Variants in ZNF208 observed in about 807,000 individuals in gnomAD.
ZNF208 encodes zinc finger protein 208, also known as zinc finger protein 95.
A neutral mutation model predicts 12.1 loss-of-function variants in ZNF208; 10 were observed. That is an observed-to-expected ratio of 0.83 (90% confidence interval 0.51 to 1.40). ZNF208 has a LOEUF of 1.40. ZNF208 is among the 40% of genes most tolerant of loss of function. The pLI is 0.00. For synonymous variants in ZNF208, 497 were observed against 488.4 expected, an observed-to-expected ratio of 1.02 and a Z score of -0.23; for missense variants, 1,652 against 1,485.0, an observed-to-expected ratio of 1.11 and a Z score of -1.85.
At chr19:21,949,252 T>C (rs938388453) in intron 4 of ZNF208, among the ~76,000 whole-genome samples, 5 of 152,200 alleles carry the variant, frequency 3.3e-5, no homozygotes, top group African/African-American at 9.6e-5. Context: ...AATAACACTG[T>C]TCTCTGTGCC....
intron 1 of ZNF208, chr19:21,998,884 A>C (rs1970888641): frequency 6.6e-6 from 1 of 152,202 alleles, no homozygotes; most frequent in South Asian, 2.1e-4. Flanking sequence ...ATATAGTAGA[A>C]TATATTAGAG....
chr19:21,973,940 C>T lies in ZNF208; in HGVS notation c.1094G>A (p.Gly365Glu), dbSNP rs760097530. The part of the protein sequence containing the change: ...ILTKHKVIHT[G>E]EKPYKCEECG... ...TTCTTCACATTTGTAGGGTTTCTCT[C>T]CAGTATGAATTACCTTATGTTTAGT... is the stretch of plus-strand genomic sequence containing the variant. The change falls in exon 4 of 4, where the codon GGA (glycine) becomes GAA (glutamate). Residue 365 changes from glycine (G) to glutamate (E), a missense_variant. Gly to Glu is a moderately conservative substitution (Grantham distance 98). This residue lies in a region of ZNF208 where 1,239 missense variants were observed against 1,086.2 expected (regional missense o/e 1.14). Coordinates refer to ENST00000397126, the MANE Select transcript of ZNF208 (RefSeq NM_007153.3). The T allele has an allele frequency of 3.1e-6, 5 of 1,613,464 alleles. No homozygotes were observed. Among genetic ancestry groups the T allele is most frequent in the Non-Finnish European group, 4.2e-6 (5 of 1,179,876 alleles).
intron 1 of ZNF208, among the ~76,000 whole-genome samples, chr19:22,002,175 C>T (rs1393372529): frequency 6.6e-6 from 1 of 152,054 alleles, no homozygotes; most frequent in Admixed American, 6.6e-5. Context: ...CCTCAACAAA[C>T]TAGGCATTGA....
chr19:21,963,974 ATAAC>A (rs1970119844), downstream of ZNF208, among the ~76,000 whole-genome samples: 1 of 151,974 alleles, frequency 6.6e-6, no homozygotes, highest in Non-Finnish European at 1.5e-5. Flanking sequence ...ATATTTCAAA[ATAAC>A]TAAGAGTAAA....
chr19:21,964,568 C>T (rs536741181), downstream of ZNF208, among the ~76,000 whole-genome samples: 6 of 151,890 alleles, frequency 4.0e-5, no homozygotes, highest in South Asian at 1.0e-3. Flanking sequence ...CTGACAGACA[C>T]TCCGCATTTA....
In ZNF208 at chr19:21,973,492, T is replaced by C. The variant is rs763947968; in HGVS notation, c.1542A>G (p.Glu514=). 10 of 1,613,054 alleles carry C rather than the reference T, an allele frequency of 6.2e-6. No individual in the cohort carries two copies. The Admixed American group carries it at 1.3e-4, about 22-fold the overall frequency. ...KAFNWSSNLM[E]HKRIHTGEKP... ...TCTCTCCAGTATGAATTCTCTTATG[T>C]TCCATAAGGTTTGAGGACCAGTTGA... The change falls in exon 4 of 4, where the codon GAA becomes GAG. Residue 514 remains glutamate (E), a synonymous_variant. Transcript: ENST00000397126.
rs1214882003 is a variant in ZNF208, at chr19:21,970,077, CTT to C, written c.*1112_*1113del. 1.3e-5 allele frequency among the ~76,000 whole-genome samples: 2 copies of C among 152,156 alleles called. No homozygotes were observed. The highest frequency in any genetic ancestry group is 3.8e-4 in the East Asian group (2 of 5,204). On this transcript the variant is annotated 3_prime_UTR_variant, in exon 4 of 4. Coordinates refer to ENST00000397126, the MANE Select transcript of ZNF208 (RefSeq NM_007153.3). ...ATCAAGTGTGACAGCCACTTAAAGGCTTTGTCATATTCTTCACTTTTCTAGGA... is the reference window on the plus strand; with the variant it reads ...ATCAAGTGTGACAGCCACTTAAAGGCTGTCATATTCTTCACTTTTCTAGGA...
intron 4 of ZNF208, among the ~76,000 whole-genome samples, chr19:21,957,552 CAG>C (rs1214220860): frequency 1.3e-5 from 2 of 152,170 alleles, no homozygotes; most frequent in African/African-American, 4.8e-5. Context: ...CACTTTCCAA[CAG>C]ACTTAGAAAC....
chr19:21,960,325 A>G (rs1970043487), intron 4 of ZNF208, among the ~76,000 whole-genome samples: 1 of 152,150 alleles, frequency 6.6e-6, no homozygotes, highest in Non-Finnish European at 1.5e-5. Context: ...CATAGAAATA[A>G]AGGTATCTAA....
At chr19:22,003,517 A>G (rs1970992308) in intron 1 of ZNF208, among the ~76,000 whole-genome samples, 2 of 148,632 alleles carry the variant, frequency 1.3e-5, no homozygotes, top group East Asian at 4.0e-4. Flanking sequence ...AAAAAAAAAC[A>G]TGAAAAAGAC....
intron 4 of ZNF208, among the ~76,000 whole-genome samples, chr19:21,944,020 GT>G (rs1418763416): frequency 6.6e-6 from 1 of 152,114 alleles, no homozygotes; most frequent in African/African-American, 2.4e-5. Context: ...CTAATATGTT[GT>G]TTGCAGTTAG....
downstream of ZNF208, among the ~76,000 whole-genome samples, chr19:21,963,820 C>T (rs1249070879): frequency 6.6e-6 from 1 of 151,754 alleles, no homozygotes; most frequent in Non-Finnish European, 1.5e-5. Context: ...GTATTATTGG[C>T]AAATGTTCAA....
intron 3 of ZNF208, among the ~76,000 whole-genome samples, chr19:21,981,471 T>A (rs1320085967): frequency 6.6e-6 from 1 of 152,054 alleles, no homozygotes; most frequent in Non-Finnish European, 1.5e-5. Flanking sequence ...CATGATTATC[T>A]CAATAGATGC....
intron 1 of ZNF208, among the ~76,000 whole-genome samples, chr19:21,990,609 G>A (rs1970715879): frequency 6.6e-6 from 1 of 152,112 alleles, no homozygotes. Context: ...TTTTAAAGTA[G>A]TTTTTTCCAA....
chr19:21,983,532 A>G (rs576403710), intron 3 of ZNF208, among the ~76,000 whole-genome samples: 8 of 152,312 alleles, frequency 5.3e-5, no homozygotes, highest in Non-Finnish European at 8.8e-5. Context: ...AAATCATTCT[A>G]CTATAAAGGC....
chr19:21,989,611 C>T (rs1302151069), intron 1 of ZNF208, among the ~76,000 whole-genome samples: 1 of 152,074 alleles, frequency 6.6e-6, no homozygotes, highest in African/African-American at 2.4e-5. Context: ...AATGAGATGG[C>T]TGGGTCAAAT....
Position 21,942,630 on chromosome 19 carries a change from T to C in ZNF208, c.306-9393A>G, listed in dbSNP as rs189185793. ...GATTCCAATTTATTTTCAGTGTGTT[T>C]GTATGACTTTTCTTTCTTTCTTTTC... On this transcript the variant is annotated intron_variant, in intron 4 of 4. Coordinates refer to the ZNF208 transcript ENST00000599916. Among the ~76,000 whole-genome samples the C allele has an allele frequency of 1.9e-3, 296 of 152,294 alleles. 1 individual carries two copies. The highest frequency in any genetic ancestry group is 6.8e-3 in the African/African-American group (283 of 41,568).
rs547954043 is a variant in ZNF208 at position 22,010,868 on chromosome 19, G to T, written c.-74C>A. On this transcript the variant is annotated 5_prime_UTR_variant, in exon 1 of 4. Coordinates refer to ENST00000397126, the MANE Select transcript of ZNF208 (RefSeq NM_007153.3). ...ACCTGCAGGTCATAGGGCCACAGAG[G>T]CTGGGACTCTAGGAGCAGAGGACAC... The T allele has an allele frequency of 1.9e-6, 3 of 1,600,592 alleles. No individual in the cohort carries two copies. The highest frequency in any genetic ancestry group is 1.7e-6 in the Non-Finnish European group (2 of 1,168,246).
At chr19:22,007,125 T>A (rs1192386402) in intron 1 of ZNF208, among the ~76,000 whole-genome samples, 3 of 152,158 alleles carry the variant, frequency 2.0e-5, no homozygotes, top group Non-Finnish European at 4.4e-5. Flanking sequence ...ATATATTAAT[T>A]CTCTATAGCC....
Sources: allele counts gnomAD v4.1 joint callset (sites outside exome capture counted in the v4.1 genomes callset), GRCh38; gene constraint gnomAD v4.1.1; regional missense constraint gnomAD v4.1.1; transcripts MANE v1.5; gene names NCBI Gene and HGNC (gene_info 2026-07-23, HGNC 2026-07-21).